IFT74: variants seen among roughly 807,000 people sequenced by gnomAD.
IFT74 encodes intraflagellar transport protein 74 homolog.
Under a neutral mutation model 96.7 loss-of-function variants are expected in IFT74, and 92 were observed. That is an observed-to-expected ratio of 0.95 (90% CI 0.80 to 1.13). The LOEUF is 1.13. Ranked by LOEUF, IFT74 falls within the 50% of genes most tolerant of loss-of-function variation. The pLI is 0.00. For missense variants in IFT74, 811 were observed against 698.2 expected (o/e 1.16, Z -1.82); for synonymous variants, 223 against 213.2 (o/e 1.05, Z -0.40).
chr9:27,023,581 C>T (rs148405209), intron 12 of IFT74, among the ~76,000 whole-genome samples: 41 of 151,998 alleles, frequency 2.7e-4, no homozygotes, highest in African/African-American at 8.7e-4. Flanking sequence ...AGGATTTTTG[C>T]CTCTAAGTTC....
chr9:26,965,687 A>G (rs114557174), intron 2 of IFT74, among the ~76,000 whole-genome samples: 1,523 of 152,214 alleles, frequency 0.01, 25 homozygotes, highest in African/African-American at 0.034. Context: ...TCTTACATGC[A>G]TATATTATGT....
chr9:26,963,894 GT>G (rs1826485446), intron 2 of IFT74, among the ~76,000 whole-genome samples: 1 of 152,028 alleles, frequency 6.6e-6, no homozygotes, highest in Non-Finnish European at 1.5e-5. Flanking sequence ...TTGCGAAAAT[GT>G]TCTCCCATTT....
At chr9:27,035,586 G>A (rs947279200) in intron 13 of IFT74, among the ~76,000 whole-genome samples, 9 of 152,184 alleles carry the variant, frequency 5.9e-5, no homozygotes, top group Admixed American at 3.9e-4. Flanking sequence ...TCCTCCTGGT[G>A]ATTCTGATTC....
chr9:26,972,189 G>A (rs1174157926), intron 2 of IFT74, among the ~76,000 whole-genome samples: 4 of 152,120 alleles, frequency 2.6e-5, no homozygotes, highest in African/African-American at 4.8e-5. Context: ...AGTAGTTAAT[G>A]TTAAATCATC....
chr9:27,058,752 C>T (rs1820287936), intron 18 of IFT74, among the ~76,000 whole-genome samples: 2 of 152,188 alleles, frequency 1.3e-5, no homozygotes, highest in East Asian at 1.9e-4. Flanking sequence ...AAACAACATA[C>T]ACCTTACATT....
chr9:26,983,462 A>G (rs1371700575), intron 4 of IFT74, among the ~76,000 whole-genome samples: 1 of 152,116 alleles, frequency 6.6e-6, no homozygotes, highest in Non-Finnish European at 1.5e-5. Flanking sequence ...GGTTGTCACA[A>G]GTGAGGTTGG....
intron 16 of IFT74, among the ~76,000 whole-genome samples, chr9:27,049,848 G>A (rs1468008905): frequency 6.6e-6 from 1 of 152,082 alleles, no homozygotes; most frequent in Non-Finnish European, 1.5e-5. Flanking sequence ...CACTGTCCAA[G>A]AGAAATTTAA....
At chr9:26,992,882 T>C (rs1315352465) in intron 8 of IFT74, among the ~76,000 whole-genome samples, 1 of 152,144 alleles carries the variant, frequency 6.6e-6, no homozygotes, top group Non-Finnish European at 1.5e-5. Context: ...TCTGTTTTCA[T>C]TCTCTTCTCT....
chr9:26,965,800 T>C (rs146808188), intron 2 of IFT74, among the ~76,000 whole-genome samples: 2 of 152,078 alleles, frequency 1.3e-5, no homozygotes, highest in African/African-American at 2.4e-5. Context: ...TCATCTTTTG[T>C]AATCTTTAGT....
intron 18 of IFT74, 37 bp downstream of exon 18, chr9:27,056,496 G>A (rs543397660): frequency 6.5e-7 from 1 of 1,539,602 alleles, no homozygotes; most frequent in South Asian, 1.2e-5. Context: ...AATTGTCTTA[G>A]TCTATATTTT....
intron 8 of IFT74, among the ~76,000 whole-genome samples, chr9:27,001,298 C>G (rs1359235304): frequency 1.3e-5 from 2 of 151,982 alleles, no homozygotes; most frequent in Admixed American, 1.3e-4. Context: ...ATATATTCAT[C>G]TCTTTTTTTT....
intron 18 of IFT74, among the ~76,000 whole-genome samples, chr9:27,058,717 T>A (rs1205379594): frequency 6.6e-6 from 1 of 152,330 alleles, no homozygotes; most frequent in South Asian, 2.1e-4. Flanking sequence ...CATTAGCTAT[T>A]TCATTGTATG....
intron 1 of IFT74, among the ~76,000 whole-genome samples, chr9:26,948,448 A>ATTATTATTATTATTTTTT (rs1825819541): frequency 8.5e-5 from 5 of 59,162 alleles, no homozygotes; most frequent in Non-Finnish European, 1.2e-4. Flanking sequence ...GCTTTCCATT[A>ATTATTATTATTATTTTTT]TTTTTTTTTT....
chr9:27,044,784 A>G lies in IFT74; in HGVS notation c.1097A>G (p.Glu366Gly). The change falls in exon 14 of 20, where the codon GAA becomes GGA. Residue 366 changes from glutamate to glycine, a missense_variant. Coordinates refer to ENST00000380062, the MANE Select transcript of IFT74 (RefSeq NM_025103.4). Reference sequence around the variant, plus strand: ...TACAAGGAGCTAAAGAAAAGGGAGGAACATATGGACAGTAAGTGATATTCT... The same window carrying G: ...TACAAGGAGCTAAAGAAAAGGGAGGGACATATGGACAGTAAGTGATATTCT... Reference protein sequence around the residue: ...QKYKELKKREEHMDTFIETFE... With the variant: ...QKYKELKKREGHMDTFIETFE... The G allele has an allele frequency of 6.5e-7, 1 of 1,544,258 alleles. No homozygotes were observed.
chr9:26,964,444 C>A (rs959290039), intron 2 of IFT74, among the ~76,000 whole-genome samples: 1 of 150,624 alleles, frequency 6.6e-6, no homozygotes, highest in Non-Finnish European at 1.5e-5. Flanking sequence ...CTTGGCGATG[C>A]GGGCTCTTTT....
chr9:26,964,490 A>G (rs1458933528), intron 2 of IFT74, among the ~76,000 whole-genome samples: 6 of 151,834 alleles, frequency 4.0e-5, no homozygotes, highest in Admixed American at 2.6e-4. Flanking sequence ...GTTTTTTCCA[A>G]TTCTGTGAAG....
chr9:26,992,235 A>G (rs926660495), intron 8 of IFT74, among the ~76,000 whole-genome samples: 4 of 152,352 alleles, frequency 2.6e-5, no homozygotes, highest in East Asian at 1.9e-4. Flanking sequence ...AAAGAATGTC[A>G]TAGATTTTTA....
At chr9:26,999,767 ATTCTT>A in intron 8 of IFT74, 3 of 457,780 alleles carry the variant, frequency 6.6e-6, no homozygotes, top group Non-Finnish European at 6.7e-6. Context: ...GAATCTGTTT[ATTCTT>A]TTTTTTTTTT....
intron 12 of IFT74, among the ~76,000 whole-genome samples, chr9:27,023,661 A>T (rs1011608373): frequency 6.6e-6 from 1 of 152,062 alleles, no homozygotes. Flanking sequence ...TTAGGGTGAT[A>T]CTGGCTTCAT....
Sources: gnomAD v4.1 joint callset for allele counts (sites outside exome capture counted in the v4.1 genomes callset) on GRCh38, gnomAD v4.1.1 for gene constraint, MANE v1.5 for transcripts, NCBI Gene and HGNC (gene_info 2026-07-23, HGNC 2026-07-21) for gene names.